COL22A1: variants seen among roughly 807,000 people sequenced by gnomAD.
The protein encoded by COL22A1 is collagen type XXII alpha 1 chain, also known as collagen alpha-1(XXII) chain.
Under a neutral mutation model 248.9 loss-of-function variants are expected in COL22A1, and 221 were observed. That is an observed-to-expected ratio of 0.89 (90% CI 0.80 to 0.99). The LOEUF (loss-of-function observed/expected upper bound fraction) is 0.99, where lower values mean the gene tolerates loss of function less well. COL22A1 is among the 50% of genes least tolerant of loss of function. The probability of loss-of-function intolerance (pLI) is 0.00; values close to 1 mark genes in which losing one functional copy is unlikely to be tolerated. For missense variants in COL22A1, 2,240 were observed against 2,179.0 expected, an observed-to-expected ratio of 1.03 and a Z score of -0.56; for synonymous variants, 891 against 793.4, an observed-to-expected ratio of 1.12 and a Z score of -2.07.
At chr8:138,806,048 A>G (rs201280693) in intron 10 of COL22A1, among the ~76,000 whole-genome samples, 113 of 2,734 alleles carry the variant, frequency 0.041, no homozygotes, top group South Asian at 0.074. Flanking sequence ...GTGATGGTGT[A>G]GGTAATGGTG....
chr8:138,831,991 A>T (rs1449006863), intron 5 of COL22A1, among the ~76,000 whole-genome samples: 2 of 152,006 alleles, frequency 1.3e-5, no homozygotes, highest in East Asian at 3.9e-4. Context: ...GGTCATAAAG[A>T]CCTTGCTGAT....
chr8:138,627,181 C>A (rs1820313531), intron 50 of COL22A1, among the ~76,000 whole-genome samples: 1 of 152,168 alleles, frequency 6.6e-6, no homozygotes, highest in Non-Finnish European at 1.5e-5. Flanking sequence ...TTGTTCAACC[C>A]AAGACAAAGA....
chr8:138,901,957 T>C (rs572575054), intron 1 of COL22A1, among the ~76,000 whole-genome samples: 1 of 152,108 alleles, frequency 6.6e-6, no homozygotes, highest in East Asian at 1.9e-4. Context: ...GAGCTCCCCA[T>C]GAGTCAAATG....
rs143639039 is a variant in COL22A1 at position 138,662,931 on chromosome 8, G to A, written c.3186+774C>T. 1.2e-3 allele frequency among the ~76,000 whole-genome samples: 187 copies of A among 151,650 alleles called. 3 individuals carry two copies. The East Asian group carries it at 0.035, about 29-fold the overall frequency. ...CCGGGGAGGGCGAGGCAGGAGGATT[G>A]CTTGAACCCAGGAGGCGGAGATTGC... On this transcript the variant is annotated intron_variant, in intron 42 of 64. Coordinates refer to ENST00000303045, the MANE Select transcript of COL22A1 (RefSeq NM_152888.3).
chr8:138,733,583 C>T (rs1407783460), intron 23 of COL22A1, among the ~76,000 whole-genome samples: 2 of 152,186 alleles, frequency 1.3e-5, no homozygotes, highest in Non-Finnish European at 2.9e-5. Flanking sequence ...ACACATGTTT[C>T]CCTTTACTTC....
At chr8:138,622,211 T>C (rs777653034) in intron 52 of COL22A1, among the ~76,000 whole-genome samples, 1 of 152,228 alleles carries the variant, frequency 6.6e-6, no homozygotes, top group Non-Finnish European at 1.5e-5. Flanking sequence ...AGTAGCTTAC[T>C]AAAATCATTG....
At chr8:138,741,841 G>A (rs894718392) in intron 22 of COL22A1, among the ~76,000 whole-genome samples, 2 of 152,202 alleles carry the variant, frequency 1.3e-5, no homozygotes, top group African/African-American at 4.8e-5. Flanking sequence ...GATAATAATG[G>A]TGGTGGTGGC....
intron 47 of COL22A1, 42 bp from the exon 48 acceptor site, chr8:138,636,837 T>G (rs780606045): frequency 6.6e-7 from 1 of 1,506,668 alleles, no homozygotes; most frequent in East Asian, 2.3e-5. Flanking sequence ...CACTGGAAAT[T>G]TTAATAGGAA....
chr8:138,664,201 GCGCGCGCGCACACACACA>G (rs1294271700), intron 41 of COL22A1, among the ~76,000 whole-genome samples: 1 of 87,812 alleles, frequency 1.1e-5, no homozygotes, highest in Non-Finnish European at 2.4e-5. Flanking sequence ...GGGTGCGCGC[GCGCGCGCGCACACACACA>G]CACACACACA....
chr8:138,882,196 C>T (rs1037831051), intron 2 of COL22A1, among the ~76,000 whole-genome samples: 1 of 152,188 alleles, frequency 6.6e-6, no homozygotes, highest in South Asian at 2.1e-4. Flanking sequence ...ATGTGACTGA[C>T]CAAGACGTGT....
In COL22A1 at chr8:138,671,812, G is replaced by A. The variant is rs144661855; in HGVS notation, c.3150+4746C>T. 5.3e-5 allele frequency among the ~76,000 whole-genome samples: 8 copies of A among 152,088 alleles called. No individual in the cohort carries two copies. In the South Asian group the frequency reaches 6.2e-4, roughly 12 times the overall value. ...TTACAAGCAAACAACACAAACTTAC[G>A]GTATTGATAAATACTGTACAGTACT... is the stretch of plus-strand genomic sequence containing the variant. On this transcript the variant is annotated intron_variant, in intron 41 of 64. Coordinates refer to ENST00000303045, the MANE Select transcript of COL22A1 (RefSeq NM_152888.3).
chr8:138,606,475 T>G, intron 57 of COL22A1, 23 bp from the exon 58 acceptor site: 1 of 1,610,764 alleles, frequency 6.2e-7, no homozygotes, highest in Non-Finnish European at 8.5e-7. Context: ...AACTGAGAAT[T>G]AATTCCTCAA....
intron 10 of COL22A1, among the ~76,000 whole-genome samples, chr8:138,805,388 T>A (rs931652762): frequency 8.4e-6 from 1 of 119,162 alleles, no homozygotes; most frequent in Admixed American, 8.3e-5. Context: ...GGTGTGGGCA[T>A]GTGATGGTAT....
At chr8:138,701,489 C>A (rs75799801) in intron 31 of COL22A1, among the ~76,000 whole-genome samples, 6,538 of 152,298 alleles carry the variant, frequency 0.043, 194 homozygotes, top group East Asian at 0.12. Context: ...TGTCCCTTTT[C>A]TAGAAGGCAC....
intron 34 of COL22A1, 67 bp from the exon 35 acceptor site, chr8:138,693,766 G>A: frequency 6.8e-7 from 1 of 1,473,190 alleles, no homozygotes; most frequent in South Asian, 1.2e-5. Flanking sequence ...CCTCACAGCA[G>A]GGAGGTCTCG....
intron 55 of COL22A1, among the ~76,000 whole-genome samples, chr8:138,615,444 T>C (rs1362345085): frequency 6.6e-6 from 1 of 151,502 alleles, no homozygotes; most frequent in Admixed American, 6.6e-5. Flanking sequence ...GACAGGAGAA[T>C]TGTTTGAACC....
At chr8:138,688,891 G>A (rs1826586054) in intron 37 of COL22A1, 26 bp downstream of exon 37, 2 of 1,601,022 alleles carry the variant, frequency 1.2e-6, no homozygotes, top group Non-Finnish European at 1.7e-6. Context: ...ATTCACTTGT[G>A]TGCTGAGAGA....
chr8:138,806,252 A>G (rs1344638750), intron 10 of COL22A1, among the ~76,000 whole-genome samples: 2 of 98,648 alleles, frequency 2.0e-5, no homozygotes, highest in Non-Finnish European at 4.2e-5. Flanking sequence ...ACGTGTGTAT[A>G]TATGTGTGAT....
intron 30 of COL22A1, 96 bp from the exon 31 acceptor site, chr8:138,703,443 AGAAGG>A: frequency 1.4e-5 from 17 of 1,199,494 alleles, no homozygotes; most frequent in East Asian, 2.3e-5. Flanking sequence ...CCCAGACAAC[AGAAGG>A]TGTTGTCTTC....
Sources: gnomAD v4.1 joint callset for allele counts (sites outside exome capture counted in the v4.1 genomes callset) on GRCh38, gnomAD v4.1.1 for gene constraint, MANE v1.5 for transcripts, NCBI Gene and HGNC (gene_info 2026-07-23, HGNC 2026-07-21) for gene names.